The following ZNF654 variants were observed in gnomAD, a reference collection of about 807,000 sequenced individuals.
The protein encoded by ZNF654 is zinc finger protein 654.
Under a neutral mutation model 95.3 loss-of-function variants are expected in ZNF654, and 19 were observed. That is an observed-to-expected ratio of 0.20 (90% CI 0.14 to 0.29). ZNF654 has a LOEUF of 0.29. Among genes scored for constraint, ZNF654 ranks in the 10% least tolerant of loss-of-function variants. The pLI, the probability that ZNF654 is intolerant of heterozygous loss-of-function variation, is 1.00. For synonymous variants in ZNF654, 413 were observed against 457.9 expected, an observed-to-expected ratio of 0.90 and a Z score of 1.25; for missense variants, 1,046 against 1,341.0, an observed-to-expected ratio of 0.78 and a Z score of 3.44.
chr3:88,075,423 CTT>C (rs1707745463), intron 1 of ZNF654, among the ~76,000 whole-genome samples: 1 of 152,166 alleles, frequency 6.6e-6, no homozygotes, highest in Non-Finnish European at 1.5e-5. Flanking sequence ...TAAAAACACT[CTT>C]TTTGTGCCCT....
intron 1 of ZNF654, among the ~76,000 whole-genome samples, chr3:88,067,886 CTTT>C (rs76481798): frequency 7.2e-6 from 1 of 139,618 alleles, no homozygotes; most frequent in East Asian, 2.1e-4. Flanking sequence ...TCTTTTCTTT[CTTT>C]TTTTTTTTTT....
chr3:88,134,127 G>A (rs1213763437), intron 6 of ZNF654, among the ~76,000 whole-genome samples: 1 of 151,574 alleles, frequency 6.6e-6, no homozygotes, highest in Non-Finnish European at 1.5e-5. Context: ...GTGGGGGGTA[G>A]TGGACTGAAA....
intron 2 of ZNF654, among the ~76,000 whole-genome samples, chr3:88,094,615 A>G (rs554152724): frequency 1.6e-4 from 25 of 152,286 alleles, no homozygotes; most frequent in African/African-American, 5.5e-4. Flanking sequence ...AAATTAGAGC[A>G]AAACAGCAGT....
chr3:88,126,450 G>A (rs1268742299), intron 4 of ZNF654, among the ~76,000 whole-genome samples, 181 bp downstream of exon 4: 2 of 151,770 alleles, frequency 1.3e-5, no homozygotes, highest in Non-Finnish European at 2.9e-5. Flanking sequence ...TCTGACACCT[G>A]GATCGGTACA....
chr3:88,119,951 T>C (rs1284837911), intron 3 of ZNF654, among the ~76,000 whole-genome samples: 1 of 152,192 alleles, frequency 6.6e-6, no homozygotes, highest in African/African-American at 2.4e-5. Flanking sequence ...AAAAGTAGCA[T>C]GTACATTTAT....
At chr3:88,084,387 A>G (rs1472052612) in intron 1 of ZNF654, among the ~76,000 whole-genome samples, 1 of 152,190 alleles carries the variant, frequency 6.6e-6, no homozygotes, top group East Asian at 1.9e-4. Flanking sequence ...AACCAGAGAA[A>G]GGCAATAAAG....
chr3:88,059,270 G>C lies in ZNF654; in HGVS notation c.-50G>C. On this transcript the variant is annotated 5_prime_UTR_variant, in exon 1 of 9. Transcript: ENST00000636215. Reference sequence around the variant, plus strand: ...GGAGGAGGTTAGCCTAGGCATCTACGGCGGCGGCGGCGGCGCAGGGGCTGG... The same window carrying C: ...GGAGGAGGTTAGCCTAGGCATCTACCGCGGCGGCGGCGGCGCAGGGGCTGG... 6.6e-7 allele frequency: 1 copy of C among 1,526,696 alleles called. No homozygotes were observed. 94.6% of individuals were successfully genotyped at this position (1,526,696 alleles called of 1,614,324 possible). A position where few individuals can be genotyped will look rare whatever the true frequency, so the allele number is the denominator to read the frequency against.
chr3:88,105,804 T>C (rs1380980768), intron 2 of ZNF654, among the ~76,000 whole-genome samples: 2 of 152,214 alleles, frequency 1.3e-5, no homozygotes, highest in East Asian at 1.9e-4. Context: ...TATCCTTTGG[T>C]ATGCTTTATC....
At chr3:88,062,173 A>G (rs1706923208) in intron 1 of ZNF654, among the ~76,000 whole-genome samples, 1 of 152,184 alleles carries the variant, frequency 6.6e-6, no homozygotes, top group South Asian at 2.1e-4. Context: ...CTGATACTTA[A>G]TTTGCTTTGA....
intron 1 of ZNF654, among the ~76,000 whole-genome samples, chr3:88,071,861 C>T (rs1707533985): frequency 6.6e-6 from 1 of 152,154 alleles, no homozygotes; most frequent in African/African-American, 2.4e-5. Context: ...CCATTTTGTA[C>T]TGTACTTTTA....
chr3:88,130,617 ATTTTTTT>A lies in ZNF654; in HGVS notation c.893+803_893+809del, dbSNP rs10674029. Among the ~76,000 whole-genome samples, 373 of 129,182 alleles carry A rather than the reference ATTTTTTT, an allele frequency of 2.9e-3. 2 individuals carry two copies. The South Asian group carries it at 0.039, about 14-fold the overall frequency. 84.7% of individuals were successfully genotyped at this position (129,182 alleles called of 152,430 possible). A position where few individuals can be genotyped will look rare whatever the true frequency, so the allele number is the denominator to read the frequency against. ...AGATGTGTGCAACCATGCCCAGCTA[ATTTTTTT>A]TTTTTTTTTTTGGTAGAGATGGGGA... is the stretch of plus-strand genomic sequence containing the variant. On this transcript the variant is annotated intron_variant, in intron 6 of 8. Transcript: ENST00000636215.
intron 6 of ZNF654, among the ~76,000 whole-genome samples, chr3:88,131,233 TAC>T (rs1706442256): frequency 6.6e-6 from 1 of 152,204 alleles, no homozygotes; most frequent in Admixed American, 6.5e-5. Flanking sequence ...ATAGAAAAAG[TAC>T]AGTAAAAATG....
At chr3:88,078,366 C>T (rs1576219765) in intron 1 of ZNF654, among the ~76,000 whole-genome samples, 1 of 152,062 alleles carries the variant, frequency 6.6e-6, no homozygotes, top group Non-Finnish European at 1.5e-5. Context: ...TGTGGTTAAA[C>T]GTATTAAAGC....
At chr3:88,099,361 T>G (rs1704261429) in intron 2 of ZNF654, among the ~76,000 whole-genome samples, 1 of 152,210 alleles carries the variant, frequency 6.6e-6, no homozygotes, top group Non-Finnish European at 1.5e-5. Context: ...TCCATGCTCA[T>G]GGATAGGAAG....
chr3:88,073,620 A>T (rs1452077836), intron 1 of ZNF654, among the ~76,000 whole-genome samples: 1 of 152,232 alleles, frequency 6.6e-6, no homozygotes, highest in African/African-American at 2.4e-5. Flanking sequence ...CTATGAAATT[A>T]TACTGGGTTT....
intron 2 of ZNF654, among the ~76,000 whole-genome samples, chr3:88,112,787 T>C (rs1705169152): frequency 6.6e-6 from 1 of 152,074 alleles, no homozygotes; most frequent in Non-Finnish European, 1.5e-5. Flanking sequence ...GGGTTCATTT[T>C]AGATGATCCT....
chr3:88,069,929 C>G (rs921367135), intron 1 of ZNF654, among the ~76,000 whole-genome samples: 15 of 152,186 alleles, frequency 9.9e-5, no homozygotes, highest in African/African-American at 3.6e-4. Flanking sequence ...CCTTGAATAT[C>G]TGGAAATCCT....
intron 1 of ZNF654, among the ~76,000 whole-genome samples, chr3:88,077,673 A>G (rs918672336): frequency 9.0e-5 from 11 of 122,700 alleles, no homozygotes; most frequent in Admixed American, 6.4e-4. Context: ...GGAAAGATAA[A>G]TGAAACATGC....
intron 3 of ZNF654, among the ~76,000 whole-genome samples, chr3:88,123,797 C>T (rs1466351604): frequency 2.0e-5 from 3 of 152,100 alleles, no homozygotes; most frequent in Admixed American, 1.3e-4. Flanking sequence ...GGACTAGTGT[C>T]CAACTTACCT....
Sources: gnomAD v4.1 joint callset for allele counts (sites outside exome capture counted in the v4.1 genomes callset) on GRCh38, gnomAD v4.1.1 for gene constraint, MANE v1.5 for transcripts, NCBI Gene and HGNC (gene_info 2026-07-23, HGNC 2026-07-21) for gene names.